Variants in PITPNM3 observed in about 807,000 individuals in gnomAD.
The protein encoded by PITPNM3 is PITPNM family member 3.
A neutral mutation model predicts 102.0 loss-of-function variants in PITPNM3; 26 were observed. That is an observed-to-expected ratio of 0.25 (90% CI 0.19 to 0.35). The LOEUF is 0.35. Ranked by LOEUF, PITPNM3 falls within the 10% of genes least tolerant of loss-of-function variation. The probability of loss-of-function intolerance (pLI) is 1.00; values close to 1 mark genes in which losing one functional copy is unlikely to be tolerated. For missense variants in PITPNM3, 1,083 were observed against 1,346.1 expected, an observed-to-expected ratio of 0.80 and a Z score of 3.06; for synonymous variants, 578 against 558.6, an observed-to-expected ratio of 1.03 and a Z score of -0.49.
In PITPNM3 at chr17:6,477,165, G is replaced by C. The variant is rs952574166; in HGVS notation, c.949C>G (p.Arg317Gly). 1 of 1,614,162 alleles carries C rather than the reference G, an allele frequency of 6.2e-7. No individual in the cohort carries two copies. The highest frequency in any genetic ancestry group is 8.5e-7 in the Non-Finnish European group (1 of 1,180,038). Reference protein sequence around the residue: ...EEDCSLASSKRLSKSNIDISS... With the variant: ...EEDCSLASSKGLSKSNIDISS... Reference sequence around the variant, plus strand: ...ATGTCAATGTTGCTTTTGCTGAGACGCTTGCTGCTGGCCAGGCTGCAATCT... The same window carrying C: ...ATGTCAATGTTGCTTTTGCTGAGACCCTTGCTGCTGGCCAGGCTGCAATCT... Residue 317 changes from arginine to glycine, a missense_variant, in exon 9 of 20, where the codon CGT (arginine) becomes GGT (glycine). Coordinates refer to ENST00000262483, the MANE Select transcript of PITPNM3 (RefSeq NM_031220.4).
intron 10 of PITPNM3, among the ~76,000 whole-genome samples, chr17:6,473,992 A>C (rs1905181569): frequency 7.3e-6 from 1 of 136,790 alleles, no homozygotes; most frequent in Admixed American, 7.2e-5. Flanking sequence ...AAAAAAAAAA[A>C]AAAAAGGTTG....
At position 6,483,742 on chromosome 17, in the gene PITPNM3, G is replaced by T; in HGVS notation, c.362C>A (p.Pro121Gln). ...GACATGTGTCTTGCAGGAGCGCTGC[G>T]GGCAGCCTTCCTGAGAGCCAAGGCG... ...EIHEDSEEGCPQRSCKTHVLL... is the reference protein window; with the variant it reads ...EIHEDSEEGCQQRSCKTHVLL... The change falls in exon 6 of 20, where the codon CCG becomes CAG. Residue 121 changes from proline to glutamine, a missense_variant. Physicochemically the swap from Pro to Gln is moderately conservative, Grantham distance 76 (BLOSUM62 -1). Coordinates refer to ENST00000262483, the MANE Select transcript of PITPNM3 (RefSeq NM_031220.4). 6.2e-7 allele frequency: 1 copy of T among 1,612,620 alleles called. No individual in the cohort carries two copies. The highest frequency in any genetic ancestry group is 1.1e-5 in the South Asian group (1 of 91,070).
intron 1 of PITPNM3, among the ~76,000 whole-genome samples, chr17:6,540,614 G>A (rs1909676657): frequency 6.6e-6 from 1 of 152,164 alleles, no homozygotes; most frequent in Non-Finnish European, 1.5e-5. Context: ...ATTTTATCTT[G>A]TTTACTATTA....
At chr17:6,485,464 T>C (rs762234511) in intron 4 of PITPNM3, among the ~76,000 whole-genome samples, 2 of 152,072 alleles carry the variant, frequency 1.3e-5, no homozygotes, top group Non-Finnish European at 2.9e-5. Flanking sequence ...GGCCAATAAG[T>C]CTCTTTTTAT....
In PITPNM3 at chr17:6,491,451, CAG is replaced by C. The variant is rs1218010417; in HGVS notation, c.275-7161_275-7160del. Among the ~76,000 whole-genome samples, 19 of 152,184 alleles carry C rather than the reference CAG, an allele frequency of 1.2e-4. 1 individual carries two copies. Among genetic ancestry groups the C allele is most frequent in the Admixed American group, 9.2e-4 (14 of 15,286 alleles). On this transcript the variant is annotated intron_variant, in intron 4 of 19. Coordinates refer to ENST00000262483, the MANE Select transcript of PITPNM3 (RefSeq NM_031220.4). ...GAAGGTTTTAAAACTTTTTTAAAAA[CAG>C]GGGAAATTTTTAGCCAATGAAAGTT...
rs539808787 is a variant in PITPNM3 at position 6,471,389 on chromosome 17, C to A, written c.1430-34G>T. 3 of 1,520,784 alleles carry A rather than the reference C, an allele frequency of 2.0e-6. No individual in the cohort carries two copies. The South Asian group carries it at 3.7e-5, about 19-fold the overall frequency. 94.2% of individuals were successfully genotyped at this position (1,520,784 alleles called of 1,614,324 possible). On this transcript the variant is annotated intron_variant, in intron 11 of 19. Transcript: ENST00000262483. The stretch of plus-strand genomic sequence containing the variant: ...GGAATTTCAAGGTCAGGCTGAGTCA[C>A]GTGTCTCCAGCAGAGCTGCCCACTC...
At chr17:6,525,290 G>T in intron 3 of PITPNM3, 66 bp downstream of exon 3, 3 of 1,404,748 alleles carry the variant, frequency 2.1e-6, no homozygotes, top group Non-Finnish European at 3.0e-6. Flanking sequence ...CCAGTCACCA[G>T]CCCTACAGCC....
rs760225147 is a variant in PITPNM3 at position 6,471,359 on chromosome 17, G to C, written c.1430-4C>G. Reference sequence around the variant, plus strand: ...CTGTGGGTGTGTAGGGCATCAGCTGGAGGGGGAATTTCAAGGTCAGGCTGA... The same window carrying C: ...CTGTGGGTGTGTAGGGCATCAGCTGCAGGGGGAATTTCAAGGTCAGGCTGA... On this transcript the variant is annotated splice_region_variant and splice_polypyrimidine_tract_variant and intron_variant, in intron 11 of 19. Coordinates refer to ENST00000262483, the MANE Select transcript of PITPNM3 (RefSeq NM_031220.4). 1.3e-5 allele frequency: 21 copies of C among 1,582,046 alleles called. 1 individual carries two copies. The highest frequency in any genetic ancestry group is 6.8e-5 in the South Asian group (6 of 88,880).
At position 6,554,720 on chromosome 17, in the gene PITPNM3, C is replaced by T. The variant is rs187504343; in HGVS notation, c.22+1665G>A. On this transcript the variant is annotated intron_variant, in intron 1 of 19. Coordinates refer to ENST00000262483, the MANE Select transcript of PITPNM3 (RefSeq NM_031220.4). The stretch of plus-strand genomic sequence containing the variant: ...CAGGGCAGTGACAGAGAGAGTCCTT[C>T]GAGTCCAATAGACCTGGCTGTGAGT... Among the ~76,000 whole-genome samples, 205 of 150,212 alleles carry T rather than the reference C, an allele frequency of 1.4e-3. 1 individual carries two copies. The highest frequency in any genetic ancestry group is 5.0e-3 in the African/African-American group (200 of 39,880).
chr17:6,464,267 C>T lies in PITPNM3; in HGVS notation c.2059G>A (p.Asp687Asn). The T allele has an allele frequency of 6.2e-7, 1 of 1,614,126 alleles. No homozygotes were observed. The highest frequency in any genetic ancestry group is 8.5e-7 in the Non-Finnish European group (1 of 1,180,020). ...EPSSGRWVHL[D>N]TEITNSSGRI... Reference sequence around the variant, plus strand: ...CCACTGCTGTTGGTGATCTCTGTGTCCAGGTGTACCCAGCGGCCTGAGGAT... The same window carrying T: ...CCACTGCTGTTGGTGATCTCTGTGTTCAGGTGTACCCAGCGGCCTGAGGAT... The change falls in exon 16 of 20, where the codon GAC becomes AAC. Residue 687 changes from aspartate (D) to asparagine (N), a missense_variant. Transcript: ENST00000262483.
At chr17:6,476,545 G>A (rs1248992578) in intron 9 of PITPNM3, among the ~76,000 whole-genome samples, 1 of 152,158 alleles carries the variant, frequency 6.6e-6, no homozygotes, top group African/African-American at 2.4e-5. Context: ...CTTGGGATAG[G>A]GAGACCAGAA....
Position 6,457,128 on chromosome 17 carries a change from C to T in PITPNM3, c.2619+466G>A, listed in dbSNP as rs963529322. Among the ~76,000 whole-genome samples the T allele has an allele frequency of 2.0e-5, 3 of 152,094 alleles. No individual in the cohort carries two copies. The highest frequency in any genetic ancestry group is 2.9e-5 in the Non-Finnish European group (2 of 68,022). On this transcript the variant is annotated intron_variant, in intron 19 of 19. Coordinates refer to ENST00000262483, the MANE Select transcript of PITPNM3 (RefSeq NM_031220.4). This position sits in a 1 kb window ranked among gnomAD's most constrained non-coding sequence, Gnocchi z 4.7. Reference sequence around the variant, plus strand: ...AGCCAAGCTGAGTCACTGGCAGTTCCCAGAATATACATGTTCTGTGTCACC... The same window carrying T: ...AGCCAAGCTGAGTCACTGGCAGTTCTCAGAATATACATGTTCTGTGTCACC...
Position 6,451,873 on chromosome 17 carries a change from A to AGC in PITPNM3, c.*3464_*3465insGC. 4.6e-5 allele frequency: 2 copies of AGC among 43,936 alleles called. No homozygotes were observed. Among genetic ancestry groups the AGC allele is most frequent in the Admixed American group, 5.5e-4 (2 of 3,628 alleles). The allele number at this position is 43,936 out of a possible 1,614,324, so 2.7% of individuals were successfully genotyped here. On this transcript the variant is annotated 3_prime_UTR_variant, in exon 20 of 20. Transcript: ENST00000262483. ...GGTTTCCAGGGCACTTGGCACCCAA[A>AGC]CCCCCCCCCCCCGCCCGCCGATGGG...
intron 9 of PITPNM3, 28 bp from the exon 10 acceptor site, chr17:6,474,632 G>A (rs1471279084): frequency 5.8e-6 from 9 of 1,548,120 alleles, no homozygotes; most frequent in Non-Finnish European, 7.0e-6. Context: ...CGCAGGGCAG[G>A]GCAGGTCAGG....
In PITPNM3 at chr17:6,537,101, C is replaced by T. The variant is rs187486387; in HGVS notation, c.118+886G>A. Among the ~76,000 whole-genome samples the T allele has an allele frequency of 2.0e-5, 3 of 152,200 alleles. No individual in the cohort carries two copies. The highest frequency in any genetic ancestry group is 6.5e-5 in the Admixed American group (1 of 15,286). On this transcript the variant is annotated intron_variant, in intron 2 of 19. Coordinates refer to ENST00000262483, the MANE Select transcript of PITPNM3 (RefSeq NM_031220.4). This position sits in a 1 kb window ranked among gnomAD's most constrained non-coding sequence, Gnocchi z 4.4. ...GGATGCCCCTTTCTTTCAATCCCAA[C>T]GTCAACAATGCTCCTTCCTATGTCT...
At chr17:6,505,409 C>G (rs1907441501) in intron 3 of PITPNM3, among the ~76,000 whole-genome samples, 1 of 152,110 alleles carries the variant, frequency 6.6e-6, no homozygotes, top group South Asian at 2.1e-4. Flanking sequence ...TCACAGCACT[C>G]CCTAGACCTA....
In PITPNM3 at chr17:6,482,060, CTCTCTG is replaced by C. The variant is rs1567670444; in HGVS notation, c.587+1451_587+1456del. 7.5e-4 allele frequency among the ~76,000 whole-genome samples: 89 copies of C among 118,854 alleles called. 2 individuals are homozygous for C. Among genetic ancestry groups the C allele is most frequent in the South Asian group, 1.2e-3 (4 of 3,318 alleles). The allele number at this position is 118,854 out of a possible 152,430, so 78.0% of individuals were successfully genotyped here. A position where few individuals can be genotyped will look rare whatever the true frequency, so the allele number is the denominator to read the frequency against. ...TGTCTGTCTCTCTCTCTCTCTCTCT[CTCTCTG>C]TCTCTCTCTCTCTCTCTCTCTGACA... On this transcript the variant is annotated intron_variant, in intron 6 of 19. Transcript: ENST00000262483.
chr17:6,517,553 T>A lies in PITPNM3; in HGVS notation c.226+7803A>T, dbSNP rs1009931145. Among the ~76,000 whole-genome samples the A allele has an allele frequency of 6.6e-6, 1 of 151,480 alleles. No homozygotes were observed. The highest frequency in any genetic ancestry group is 1.9e-4 in the East Asian group (1 of 5,182). On this transcript the variant is annotated intron_variant, in intron 3 of 19. Coordinates refer to ENST00000262483, the MANE Select transcript of PITPNM3 (RefSeq NM_031220.4). The surrounding 1 kb of genome is among the most constrained non-coding windows in gnomAD (Gnocchi z 4.1). ...CCAAACCCTGGTAGAAAATGCCAGT[T>A]TTTATTTTTAATTTTTTTTTTTTTG...
At chr17:6,482,046 C>G (rs866626617) in intron 6 of PITPNM3, among the ~76,000 whole-genome samples, 122 of 92,196 alleles carry the variant, frequency 1.3e-3, no homozygotes, top group East Asian at 0.01. Flanking sequence ...GTCTGTCTCT[C>G]TCTCTCTCTC....
Sources: allele counts gnomAD v4.1 joint callset (sites outside exome capture counted in the v4.1 genomes callset), GRCh38; gene constraint gnomAD v4.1.1; non-coding constraint Gnocchi (gnomAD v3.1); transcripts MANE v1.5; gene names NCBI Gene and HGNC (gene_info 2026-07-23, HGNC 2026-07-21).